CCDC93: variants seen among roughly 807,000 people sequenced by gnomAD.
The protein encoded by CCDC93 is CCC complex scaffolding subunit CCDC93.
In CCDC93, 61 loss-of-function variants were observed where a neutral mutation model predicts 108.2. The observed-to-expected ratio is 0.56, with a 90% CI of 0.46 to 0.70. The LOEUF (loss-of-function observed/expected upper bound fraction) is 0.70. Among genes scored for constraint, CCDC93 ranks in the 30% least tolerant of loss-of-function variants. The pLI, the probability that CCDC93 is intolerant of heterozygous loss-of-function variation, is 0.00. For missense variants in CCDC93, 685 were observed against 764.2 expected, an observed-to-expected ratio of 0.90 and a Z score of 1.22; for synonymous variants, 276 against 260.4, an observed-to-expected ratio of 1.06 and a Z score of -0.58.
chr2:117,916,909 A>T lies in CCDC93; in HGVS notation c.*3434T>A, dbSNP rs1361492499. The T allele has an allele frequency of 1.3e-5, 2 of 152,256 alleles. No individual in the cohort carries two copies. The highest frequency in any genetic ancestry group is 4.8e-5 in the African/African-American group (2 of 41,468). 9.4% of individuals were successfully genotyped at this position (152,256 alleles called of 1,614,324 possible). A position where few individuals can be genotyped will look rare whatever the true frequency, so the allele number is the denominator to read the frequency against. ...CACAGAACAAGGCACTTTCCTTGGC[A>T]ATCCCAACCATGGGGACAGATGATG... is the stretch of plus-strand genomic sequence containing the variant. On this transcript the variant is annotated 3_prime_UTR_variant, in exon 24 of 24. Coordinates refer to ENST00000376300, the MANE Select transcript of CCDC93 (RefSeq NM_019044.5).
intron 3 of CCDC93, among the ~76,000 whole-genome samples, chr2:118,002,044 G>A (rs1238998301): frequency 1.3e-5 from 2 of 152,018 alleles, no homozygotes; most frequent in African/African-American, 4.8e-5. Flanking sequence ...TACATGAATA[G>A]GTTACATTGC....
At chr2:117,949,484 C>T in intron 13 of CCDC93, 89 bp from the exon 14 acceptor site, 1 of 945,688 alleles carries the variant, frequency 1.1e-6, no homozygotes, top group Non-Finnish European at 1.7e-6. Context: ...GATAATGACA[C>T]TTTTTAAAGA....
rs967426301 is a variant in CCDC93 at position 117,916,946 on chromosome 2, A to G, written c.*3397T>C. On this transcript the variant is annotated 3_prime_UTR_variant, in exon 24 of 24. Transcript: ENST00000376300. ...GGGGACAGATGATGGCATCCATCCTATGGGGCTCTTTATTGTACTGTTCTG... is the reference window on the plus strand; with the variant it reads ...GGGGACAGATGATGGCATCCATCCTGTGGGGCTCTTTATTGTACTGTTCTG... 4 of 152,204 alleles carry G rather than the reference A, an allele frequency of 2.6e-5. No homozygotes were observed. The highest frequency in any genetic ancestry group is 7.2e-5 in the African/African-American group (3 of 41,454). 9.4% of individuals were successfully genotyped at this position (152,204 alleles called of 1,614,324 possible). A position where few individuals can be genotyped will look rare whatever the true frequency, so the allele number is the denominator to read the frequency against.
At chr2:117,996,473 ACTAGGT>A in intron 4 of CCDC93, 111 bp from the exon 5 acceptor site, 1 of 703,048 alleles carries the variant, frequency 1.4e-6, no homozygotes, top group South Asian at 1.7e-5. Context: ...AGTTGAACTG[ACTAGGT>A]GATAAGAAGC....
chr2:118,003,182 G>A (rs1185099084), intron 3 of CCDC93, among the ~76,000 whole-genome samples: 1 of 152,210 alleles, frequency 6.6e-6, no homozygotes, highest in East Asian at 1.9e-4. Flanking sequence ...CTGCCCCACA[G>A]GGGAAGCCAG....
rs1417698438 is a variant in CCDC93, at chr2:117,945,564, G to A, written c.1315C>T (p.Pro439Ser). ...ATTGCAGAGGTCAAGGTACCAGGCG[G>A]CTCTCCACTGGAGAGGGTCTGAAAC... ...GDEKTLSSGE[P>S]PGTLTSAMTH... Residue 439 changes from proline to serine, a missense_variant, in exon 17 of 24, where the codon CCG becomes TCG. Coordinates refer to ENST00000376300, the MANE Select transcript of CCDC93 (RefSeq NM_019044.5). 1.9e-6 allele frequency: 3 copies of A among 1,613,826 alleles called. No individual in the cohort carries two copies. Among genetic ancestry groups the A allele is most frequent in the Non-Finnish European group, 2.5e-6 (3 of 1,179,774 alleles).
chr2:118,000,687 G>A, intron 4 of CCDC93, 134 bp downstream of exon 4: 1 of 607,452 alleles, frequency 1.6e-6, no homozygotes, highest in Non-Finnish European at 3.0e-6. Flanking sequence ...ACACCACCAT[G>A]TTCTGCTGTA....
At chr2:117,974,799 A>C (rs1354076844) in intron 10 of CCDC93, 51 bp downstream of exon 10, 23 of 1,396,152 alleles carry the variant, frequency 1.6e-5, no homozygotes, top group Non-Finnish European at 2.3e-5. Flanking sequence ...ACCCCAGCAG[A>C]GCAGGGTGGT....
intron 2 of CCDC93, among the ~76,000 whole-genome samples, chr2:118,008,007 A>T (rs929812129): frequency 6.6e-6 from 1 of 150,890 alleles, no homozygotes; most frequent in African/African-American, 2.4e-5. Flanking sequence ...TCTCATCCCC[A>T]CTCTACAGAA....
At chr2:117,995,543 A>T (rs1448756524) in intron 5 of CCDC93, 41 bp from the exon 6 acceptor site, 2 of 1,500,806 alleles carry the variant, frequency 1.3e-6, no homozygotes, top group Admixed American at 3.5e-5. Flanking sequence ...TCCCAAGGGA[A>T]AATTAAAACT....
chr2:118,009,413 A>T (rs1282931371), intron 1 of CCDC93, among the ~76,000 whole-genome samples: 1 of 151,384 alleles, frequency 6.6e-6, no homozygotes, highest in Non-Finnish European at 1.5e-5. Context: ...CAGGCTTCTA[A>T]TCCCACCGAT....
Position 117,992,036 on chromosome 2 carries a change from C to T in CCDC93, c.519+3410G>A, listed in dbSNP as rs182031931. On this transcript the variant is annotated intron_variant, in intron 6 of 23. Transcript: ENST00000376300. ...GTGACAGAGCTCGCTAAGAAACCTA[C>T]GCAGACAGCTCCTGGAAGTGAGGGG... Among the ~76,000 whole-genome samples, 557 of 152,174 alleles carry T rather than the reference C, an allele frequency of 3.7e-3. 5 individuals carry two copies. The highest frequency in any genetic ancestry group is 0.013 in the African/African-American group (532 of 41,514).
chr2:117,950,097 C>T (rs180951817), intron 13 of CCDC93: 7 of 985,438 alleles, frequency 7.1e-6, no homozygotes, highest in Admixed American at 6.1e-5. Context: ...CAGTTACTAC[C>T]GGCTGATCTC....
chr2:118,008,905 A>G (rs547747174), intron 1 of CCDC93: 19 of 473,870 alleles, frequency 4.0e-5, no homozygotes, highest in African/African-American at 2.9e-4. Context: ...CACATGCCCA[A>G]GTAGTATATA....
At chr2:117,987,768 A>G (rs1680362682) in intron 6 of CCDC93, among the ~76,000 whole-genome samples, 1 of 152,238 alleles carries the variant, frequency 6.6e-6, no homozygotes, top group African/African-American at 2.4e-5. Context: ...CATGCTTTCC[A>G]TGATGTGCTC....
chr2:117,951,562 C>G, intron 13 of CCDC93: 1 of 999,716 alleles, frequency 1.0e-6, no homozygotes, highest in Non-Finnish European at 1.2e-6. Flanking sequence ...TCGGAGACGT[C>G]TTTGAAGATC....
At chr2:117,956,825 G>A (rs1365040049) in intron 12 of CCDC93, among the ~76,000 whole-genome samples, 3 of 151,746 alleles carry the variant, frequency 2.0e-5, no homozygotes, top group African/African-American at 7.3e-5. Flanking sequence ...CATTTGATAG[G>A]TTAATACCTT....
Position 117,949,307 on chromosome 2 carries a change from G to A in CCDC93, c.1142+15C>T. 1.3e-6 allele frequency: 2 copies of A among 1,593,146 alleles called. No individual in the cohort carries two copies. The highest frequency in any genetic ancestry group is 1.7e-6 in the Non-Finnish European group (2 of 1,161,954). On this transcript the variant is annotated intron_variant, in intron 14 of 23. Coordinates refer to ENST00000376300, the MANE Select transcript of CCDC93 (RefSeq NM_019044.5). The stretch of plus-strand genomic sequence containing the variant: ...TTCATCAAAGCAAAAATAAGCACAT[G>A]CTGAAACCTCTTACCTTGGATCAGC...
At chr2:118,002,192 T>G (rs1234529219) in intron 3 of CCDC93, among the ~76,000 whole-genome samples, 1 of 152,176 alleles carries the variant, frequency 6.6e-6, no homozygotes, top group East Asian at 1.9e-4. Flanking sequence ...TGCTTCAAAT[T>G]CAACAAGTTT....
Sources: gnomAD v4.1 joint callset for allele counts (sites outside exome capture counted in the v4.1 genomes callset) on GRCh38, gnomAD v4.1.1 for gene constraint, MANE v1.5 for transcripts, NCBI Gene and HGNC (gene_info 2026-07-23, HGNC 2026-07-21) for gene names.